Variants in CFAP20DC observed in about 807,000 individuals in gnomAD.
CFAP20DC encodes protein CFAP20DC.
CFAP20DC carries 84 observed loss-of-function variants against 101.7 expected under a neutral mutation model. The ratio of observed to expected loss-of-function variants is 0.83; its 90% CI spans 0.69 to 0.99. CFAP20DC has a LOEUF of 0.99. Ranked by LOEUF, CFAP20DC falls within the 50% of genes least tolerant of loss-of-function variation. The pLI, the probability that CFAP20DC is intolerant of heterozygous loss-of-function variation, is 0.00. For missense variants in CFAP20DC, 1,007 were observed against 970.3 expected, an observed-to-expected ratio of 1.04 and a Z score of -0.50; for synonymous variants, 359 against 351.2, an observed-to-expected ratio of 1.02 and a Z score of -0.25.
At position 58,806,460 on chromosome 3, in the gene CFAP20DC, G is replaced by C. The variant is rs2074064963; in HGVS notation, c.2176-4C>G. ...AGTGGCGACCCTGGTTGACAGGCTG[G>C]AAAAGACAAAACATTTGTGAATGTT... On this transcript the variant is annotated splice_polypyrimidine_tract_variant and splice_region_variant and intron_variant, in intron 14 of 16. Coordinates refer to ENST00000482387, the MANE Select transcript of CFAP20DC (RefSeq NM_001394063.1). The C allele has an allele frequency of 2.5e-6, 4 of 1,607,574 alleles. No homozygotes were observed. Among genetic ancestry groups the C allele is most frequent in the Non-Finnish European group, 3.4e-6 (4 of 1,174,374 alleles).
At chr3:58,765,787 T>C (rs116471499) in intron 15 of CFAP20DC, among the ~76,000 whole-genome samples, 122 of 152,316 alleles carry the variant, frequency 8.0e-4, no homozygotes, top group Middle Eastern at 3.4e-3. Context: ...ATATTTATCA[T>C]TTAGTATCAG....
Position 59,049,787 on chromosome 3 carries a change from G to T in CFAP20DC, c.-156C>A. 1.3e-6 allele frequency: 1 copy of T among 789,516 alleles called. No individual in the cohort carries two copies. The highest frequency in any genetic ancestry group is 2.0e-6 in the Non-Finnish European group (1 of 508,056). 48.9% of individuals were successfully genotyped at this position (789,516 alleles called of 1,614,324 possible). The stretch of plus-strand genomic sequence containing the variant: ...CCCAGACTTGGGCAGGCTCTTCTCA[G>T]CCCCTCCGGCCCCTGGTCAGCTCCA... On this transcript the variant is annotated 5_prime_UTR_variant, in exon 1 of 17. In the 5' UTR this introduces an upstream ATG that the reference lacks. Transcript: ENST00000482387.
intron 10 of CFAP20DC, among the ~76,000 whole-genome samples, chr3:58,867,041 C>T (rs1283389597): frequency 1.3e-5 from 2 of 152,096 alleles, no homozygotes; most frequent in Non-Finnish European, 2.9e-5. Flanking sequence ...ATAATTCTTA[C>T]TAAATGGGAC....
intron 4 of CFAP20DC, among the ~76,000 whole-genome samples, chr3:58,994,554 C>T (rs2093049734): frequency 6.6e-6 from 1 of 152,098 alleles, no homozygotes; most frequent in Non-Finnish European, 1.5e-5. Context: ...GTGTTCTTCT[C>T]CTCGTCAAAT....
Position 58,914,254 on chromosome 3 carries a change from C to A in CFAP20DC, c.394-390G>T, listed in dbSNP as rs2084445550. ...TCCTTCAAGGGGACTAATTTGATCA[C>A]AATTAGCCACTCGTATTTGTTGAAA... On this transcript the variant is annotated intron_variant, in intron 5 of 16. Coordinates refer to ENST00000482387, the MANE Select transcript of CFAP20DC (RefSeq NM_001394063.1). This position sits in a 1 kb window ranked among gnomAD's most constrained non-coding sequence, Gnocchi z 4.9. Among the ~76,000 whole-genome samples the A allele has an allele frequency of 6.6e-6, 1 of 152,118 alleles. No individual in the cohort carries two copies. Among genetic ancestry groups the A allele is most frequent in the Admixed American group, 6.6e-5 (1 of 15,252 alleles).
rs2093341443 is a variant in CFAP20DC, at chr3:59,002,686, C to G, written c.278+36871G>C. On this transcript the variant is annotated intron_variant, in intron 4 of 16. Coordinates refer to ENST00000482387, the MANE Select transcript of CFAP20DC (RefSeq NM_001394063.1). The surrounding 1 kb of genome is among the most constrained non-coding windows in gnomAD (Gnocchi z 4.5). ...GCAAAAGATGCCAAATCAATGTTCT[C>G]AGACTTATCAATGAGGATTGGTTCT... Among the ~76,000 whole-genome samples, 1 of 152,198 alleles carries G rather than the reference C, an allele frequency of 6.6e-6. No homozygotes were observed. Among genetic ancestry groups the G allele is most frequent in the South Asian group, 2.1e-4 (1 of 4,834 alleles).
Position 58,720,362 on chromosome 3 carries a change from T to C in CFAP20DC, c.198-2734A>G, listed in dbSNP as rs1415315147. Among the ~76,000 whole-genome samples the C allele has an allele frequency of 4.6e-5, 7 of 152,320 alleles. No homozygotes were observed. In the East Asian group the frequency reaches 1.3e-3, roughly 29 times the overall value. On this transcript the variant is annotated intron_variant, in intron 3 of 3. Coordinates refer to the CFAP20DC transcript ENST00000486145. ...TGGCTATAAACATACCATAGAGAGT[T>C]GTCAAGATTGAGATATGTATGGAAG... is the stretch of plus-strand genomic sequence containing the variant.
chr3:58,976,592 A>G (rs541741062), intron 4 of CFAP20DC, among the ~76,000 whole-genome samples: 9 of 152,342 alleles, frequency 5.9e-5, no homozygotes, highest in Admixed American at 2.0e-4. Context: ...TCATTGTCAA[A>G]GCATCACAAG....
intron 6 of CFAP20DC, among the ~76,000 whole-genome samples, chr3:58,900,558 G>T (rs576761481): frequency 7.9e-5 from 12 of 152,320 alleles, no homozygotes; most frequent in Non-Finnish European, 1.2e-4. Flanking sequence ...CATACAGACT[G>T]CCTGATTAAC....
intron 14 of CFAP20DC, among the ~76,000 whole-genome samples, chr3:58,824,141 C>A (rs186263069): frequency 6.6e-6 from 1 of 152,256 alleles, no homozygotes; most frequent in Admixed American, 6.5e-5. Context: ...TATGATTTAT[C>A]TGCAGCTTAG....
At chr3:58,916,106 T>C (rs372974386) in intron 5 of CFAP20DC, among the ~76,000 whole-genome samples, 8 of 152,172 alleles carry the variant, frequency 5.3e-5, no homozygotes, top group African/African-American at 1.9e-4. Context: ...TATACAACTT[T>C]AAAAACATTT....
At chr3:58,967,095 G>A (rs13320702) in intron 4 of CFAP20DC, among the ~76,000 whole-genome samples, 3 of 152,144 alleles carry the variant, frequency 2.0e-5, no homozygotes, top group African/African-American at 7.2e-5. Context: ...CCCATTTCCC[G>A]ATTTAAAACT....
rs138111872 is a variant in CFAP20DC, at chr3:58,884,614, G to C, written c.646C>G (p.Leu216Val). Residue 216 changes from leucine (L) to valine (V), a missense_variant, in exon 7 of 17, where the codon CTA becomes GTA. Transcript: ENST00000482387. ...GTTTGGCGAAGTTTAGTCATGTTTA[G>C]CAGCTGTGTGACATGTGGAACATCT... Reference protein sequence around the residue: ...MTDVPHVTQLLNMTKLRQTEI... With the variant: ...MTDVPHVTQLVNMTKLRQTEI... The C allele has an allele frequency of 6.2e-7, 1 of 1,614,018 alleles. No individual in the cohort carries two copies.
At chr3:58,896,539 T>C (rs551883383) in intron 6 of CFAP20DC, among the ~76,000 whole-genome samples, 1 of 152,356 alleles carries the variant, frequency 6.6e-6, no homozygotes, top group African/African-American at 2.4e-5. Context: ...AATTTCCCTT[T>C]TAACAGTGCT....
intron 15 of CFAP20DC, among the ~76,000 whole-genome samples, chr3:58,802,021 T>C (rs2073748390): frequency 1.3e-5 from 2 of 152,070 alleles, no homozygotes; most frequent in Admixed American, 1.3e-4. Context: ...CCTTCCTCCC[T>C]CCCCCTAATT....
chr3:58,985,698 C>T (rs1043511073), intron 4 of CFAP20DC, among the ~76,000 whole-genome samples: 3 of 152,112 alleles, frequency 2.0e-5, no homozygotes, highest in African/African-American at 7.2e-5. Flanking sequence ...TTAGCAACAT[C>T]CCCTATTCCA....
Position 58,863,849 on chromosome 3 carries a change from C to T in CFAP20DC, c.1302G>A (p.Leu434=). 6.2e-7 allele frequency: 1 copy of T among 1,613,916 alleles called. No individual in the cohort carries two copies. Among genetic ancestry groups the T allele is most frequent in the Non-Finnish European group, 8.5e-7 (1 of 1,179,920 alleles). The change falls in exon 12 of 17, where the codon CTG becomes CTA. Residue 434 remains leucine, a synonymous_variant. Transcript: ENST00000482387. The surrounding 1 kb of genome is among the most constrained non-coding windows in gnomAD (Gnocchi z 5.9). ...GAAGTAGAGACTGTCTGCTGGATGC[C>T]AGATATGAAATGTGATCAGCATTTT... The part of the protein sequence containing the change: ...FPENADHISY[L]ASSRQSLLLG...
In CFAP20DC at chr3:58,724,971, T is replaced by C. The variant is rs375733471; in HGVS notation, c.198-7343A>G. ...AGGTAGGGGAGCAGAGGTTCTGCTA[T>C]TATTACTTTGGAGGGGACCACCGAA... On this transcript the variant is annotated intron_variant, in intron 3 of 3. Coordinates refer to the CFAP20DC transcript ENST00000486145. This position sits in a 1 kb window ranked among gnomAD's most constrained non-coding sequence, Gnocchi z 5.6. Among the ~76,000 whole-genome samples the C allele has an allele frequency of 8.3e-4, 127 of 152,302 alleles. No homozygotes were observed. Among genetic ancestry groups the C allele is most frequent in the African/African-American group, 2.8e-3 (117 of 41,558 alleles).
intron 14 of CFAP20DC, among the ~76,000 whole-genome samples, chr3:58,807,826 G>A (rs1358113942): frequency 6.6e-6 from 1 of 152,168 alleles, no homozygotes; most frequent in Non-Finnish European, 1.5e-5. Context: ...AAAAAATTTA[G>A]AAGAATGTAT....
Sources: gnomAD v4.1 joint callset for allele counts (sites outside exome capture counted in the v4.1 genomes callset) on GRCh38, gnomAD v4.1.1 for gene constraint, Gnocchi (gnomAD v3.1) non-coding constraint, MANE v1.5 for transcripts, NCBI Gene and HGNC (gene_info 2026-07-23, HGNC 2026-07-21) for gene names.